The following TRIM51G variants were observed in gnomAD, a reference collection of about 807,000 sequenced individuals.
The protein encoded by TRIM51G is tripartite motif-containing 51G.
the TRIM51G span, chr11:48,978,021 G>C: frequency 2.2e-6 from 1 of 456,668 alleles, no homozygotes; most frequent in Non-Finnish European, 4.5e-6. Context: ...GATGGAGAAA[G>C]TACAACCAGC....
chr11:48,978,309 TCCCAGTCTA>T, the TRIM51G span: 1 of 410,376 alleles, frequency 2.4e-6, no homozygotes, highest in African/African-American at 2.1e-5. Flanking sequence ...CTCATGAAAA[TCCCAGTCTA>T]TCATATGTCA....
At chr11:48,976,882 T>C in the TRIM51G span, among the ~76,000 whole-genome samples, 2 of 151,862 alleles carry the variant, frequency 1.3e-5, no homozygotes, top group South Asian at 2.1e-4. Context: ...GAGCCCAGAA[T>C]ATATTTGTTT....
chr11:48,983,379 C>A, the TRIM51G span, among the ~76,000 whole-genome samples: 1 of 151,668 alleles, frequency 6.6e-6, no homozygotes, highest in Non-Finnish European at 1.5e-5. Context: ...TGTCTAAAAG[C>A]TTAATGTTAT....
At chr11:48,980,890 G>A in the TRIM51G span, 4 of 481,286 alleles carry the variant, frequency 8.3e-6, no homozygotes, top group East Asian at 2.0e-4. Flanking sequence ...AGAAGGTAGA[G>A]TAACACACTA....
At chr11:48,976,947 T>C in the TRIM51G span, 1 of 540,138 alleles carries the variant, frequency 1.9e-6, no homozygotes. Context: ...GAAACACAGA[T>C]ATAAAAGTGT....
chr11:48,983,022 A>G, the TRIM51G span, among the ~76,000 whole-genome samples: 1 of 101,092 alleles, frequency 9.9e-6, no homozygotes, highest in South Asian at 4.2e-4. Flanking sequence ...GTCTCTCTGG[A>G]GAACCCTGAC....
the TRIM51G span, chr11:48,980,924 G>C: frequency 2.0e-6 from 1 of 493,516 alleles, no homozygotes; most frequent in Middle Eastern, 3.2e-4. Flanking sequence ...ATCTGATTCT[G>C]TTGGTTGCCA....
the TRIM51G span, chr11:48,976,112 G>A: frequency 2.8e-6 from 1 of 360,372 alleles, no homozygotes; most frequent in Non-Finnish European, 5.3e-6. Context: ...GAAGTTACAA[G>A]GACAGGAGAA....
chr11:48,980,888 G>A, the TRIM51G span: 4 of 480,252 alleles, frequency 8.3e-6, no homozygotes, highest in South Asian at 4.6e-5. Flanking sequence ...GGAGAAGGTA[G>A]AGTAACACAC....
the TRIM51G span, among the ~76,000 whole-genome samples, chr11:48,979,460 A>T: frequency 1.3e-5 from 2 of 152,142 alleles, 1 homozygote; most frequent in Non-Finnish European, 2.9e-5. Flanking sequence ...GGGGCAAGTT[A>T]TGTAAAACCA....
the TRIM51G span, among the ~76,000 whole-genome samples, chr11:48,980,679 T>C: frequency 2.0e-5 from 3 of 152,130 alleles, no homozygotes; most frequent in Non-Finnish European, 1.5e-5. Context: ...TATAGGTTTG[T>C]ATGGAAACAG....
the TRIM51G span, chr11:48,975,608 C>A: frequency 7.2e-7 from 1 of 1,389,682 alleles, no homozygotes; most frequent in South Asian, 1.2e-5. Context: ...ACGGTCCTAC[C>A]TTCACAATCC....
the TRIM51G span, chr11:48,977,095 C>G: frequency 9.1e-7 from 1 of 1,099,292 alleles, no homozygotes. Flanking sequence ...CTCTGAATCC[C>G]TTGAGCCTGT....
chr11:48,982,950 T>TAA, the TRIM51G span, among the ~76,000 whole-genome samples: 1 of 7,812 alleles, frequency 1.3e-4, no homozygotes, highest in Non-Finnish European at 8.5e-4. Context: ...ATTTTTGGTA[T>TAA]ATATACATAT....
the TRIM51G span, chr11:48,981,374 T>G: frequency 2.5e-6 from 4 of 1,607,688 alleles, no homozygotes; most frequent in South Asian, 2.2e-5. Context: ...AGCAGGCTCT[T>G]GTCCACTTCA....
the TRIM51G span, chr11:48,975,719 G>C: frequency 6.5e-7 from 1 of 1,550,084 alleles, no homozygotes; most frequent in Non-Finnish European, 8.9e-7. Context: ...ACACATCCAA[G>C]AAGAAAGAGT....
At chr11:48,976,094 A>C in the TRIM51G span, 4 of 369,040 alleles carry the variant, frequency 1.1e-5, no homozygotes, top group East Asian at 2.8e-4. Flanking sequence ...TACTTTGCCA[A>C]GAAATTTGAA....
the TRIM51G span, among the ~76,000 whole-genome samples, chr11:48,983,757 T>C: frequency 6.6e-6 from 1 of 152,214 alleles, no homozygotes; most frequent in African/African-American, 2.4e-5. Context: ...TCTATGAATG[T>C]TTCCTGCAGT....
At chr11:48,982,022 G>GC in the TRIM51G span, among the ~76,000 whole-genome samples, 1 of 152,114 alleles carries the variant, frequency 6.6e-6, no homozygotes, top group Non-Finnish European at 1.5e-5. Flanking sequence ...CATAAAACAT[G>GC]CTTGTCCCTA....
Sources: gnomAD v4.1 joint callset for allele counts (sites outside exome capture counted in the v4.1 genomes callset) on GRCh38, gnomAD v4.1.1 for gene constraint, MANE v1.5 for transcripts, NCBI Gene and HGNC (gene_info 2026-07-23, HGNC 2026-07-21) for gene names.